The following EP300 variants were observed in gnomAD, a reference collection of about 807,000 sequenced individuals.
EP300 encodes the protein histone acetyltransferase p300.
EP300 carries 31 observed loss-of-function variants against 264.0 expected under a neutral mutation model. The observed-to-expected ratio is 0.12, with a 90% CI of 0.09 to 0.16. The LOEUF is 0.16. EP300 is among the 10% of genes least tolerant of loss of function. The pLI is 1.00. For missense variants in EP300, 2,766 were observed against 3,052.9 expected (o/e 0.91, Z 2.21); for synonymous variants, 1,340 against 1,045.4 (o/e 1.28, Z -5.44).
intron 5 of EP300, among the ~76,000 whole-genome samples, chr22:41,130,994 G>A (rs997434826): frequency 2.0e-5 from 3 of 152,106 alleles, no homozygotes; most frequent in East Asian, 1.9e-4. Context: ...CACCAGAGAC[G>A]GGAGGAGAGA....
chr22:41,149,308 C>A, intron 13 of EP300, 133 bp downstream of exon 13: 2 of 1,028,242 alleles, frequency 1.9e-6, no homozygotes, highest in Non-Finnish European at 3.0e-6. Context: ...CAATTTTGGA[C>A]TTAGGGTATT....
At chr22:41,112,241 G>A (rs528219552) in intron 1 of EP300, among the ~76,000 whole-genome samples, 1 of 151,356 alleles carries the variant, frequency 6.6e-6, no homozygotes, top group Admixed American at 6.6e-5. Flanking sequence ...CCAGCCTGGA[G>A]TGCAGTGGCA....
intron 5 of EP300, among the ~76,000 whole-genome samples, chr22:41,130,207 T>C (rs2145714074): frequency 6.6e-6 from 1 of 150,870 alleles, no homozygotes; most frequent in African/African-American, 2.4e-5. Flanking sequence ...GCTATGGTCA[T>C]GTTACTGCGC....
intron 15 of EP300, 90 bp downstream of exon 15, chr22:41,152,102 A>G (rs2059049499): frequency 6.3e-7 from 1 of 1,588,178 alleles, no homozygotes; most frequent in East Asian, 2.2e-5. Flanking sequence ...ATATTTTGAT[A>G]ATTAGATCTC....
chr22:41,122,493 C>T (rs1457287107), intron 2 of EP300, among the ~76,000 whole-genome samples: 1 of 152,120 alleles, frequency 6.6e-6, no homozygotes, highest in African/African-American at 2.4e-5. Flanking sequence ...GAATGCTTCT[C>T]ATTTCAGGCC....
chr22:41,114,351 T>G (rs1057227807), intron 1 of EP300, among the ~76,000 whole-genome samples: 3 of 152,120 alleles, frequency 2.0e-5, no homozygotes, highest in African/African-American at 7.2e-5. Context: ...CTGGCTAAGT[T>G]TTGTATTTTT....
Position 41,154,980 on chromosome 22 carries a change from CTTTTTT to C in EP300, c.3143-9_3143-4del, listed in dbSNP as rs757931697. 2 of 1,194,432 alleles carry C rather than the reference CTTTTTT, an allele frequency of 1.7e-6. No individual in the cohort carries two copies. Among genetic ancestry groups the C allele is most frequent in the Non-Finnish European group, 2.3e-6 (2 of 852,372 alleles). The allele number at this position is 1,194,432 out of a possible 1,614,324, so 74.0% of individuals were successfully genotyped here. On this transcript the variant is annotated splice_polypyrimidine_tract_variant and intron_variant, in intron 16 of 30. Transcript: ENST00000263253. ...TAATTGGTAACTAATTTCAAATGCACTTTTTTTTTTTAAGTTTTCAAACCAGAAGAA... is the reference window on the plus strand; with the variant it reads ...TAATTGGTAACTAATTTCAAATGCACTTTTTAAGTTTTCAAACCAGAAGAA...
chr22:41,162,205 T>A lies in EP300; in HGVS notation c.3672-518T>A, dbSNP rs1199300895. ...GGAAAATGCTATTAACAGAGATGAA[T>A]GAATCTCTAGGCCATAACTAGTATA... On this transcript the variant is annotated intron_variant, in intron 20 of 30. Coordinates refer to ENST00000263253, the MANE Select transcript of EP300 (RefSeq NM_001429.4). Among the ~76,000 whole-genome samples the A allele has an allele frequency of 2.6e-5, 4 of 152,330 alleles. No individual in the cohort carries two copies. In the East Asian group the frequency reaches 7.7e-4, roughly 29 times the overall value.
chr22:41,154,847 T>A (rs1293971924), intron 16 of EP300, 148 bp from the exon 17 acceptor site: 3 of 660,474 alleles, frequency 4.5e-6, no homozygotes, highest in Non-Finnish European at 8.1e-6. Flanking sequence ...GAATCAGTGA[T>A]TGAGCCTGTA....
intron 8 of EP300, among the ~76,000 whole-genome samples, chr22:41,139,601 T>C (rs537753361): frequency 6.6e-6 from 1 of 152,338 alleles, no homozygotes; most frequent in African/African-American, 2.4e-5. Flanking sequence ...GAGATACTAG[T>C]GCAAAACATT....
intron 2 of EP300, among the ~76,000 whole-genome samples, chr22:41,125,471 C>G (rs545140287): frequency 3.2e-4 from 49 of 151,574 alleles, no homozygotes; most frequent in Non-Finnish European, 6.6e-4. Flanking sequence ...TCACCATGTT[C>G]CCCAGGCTGT....
At chr22:41,122,291 G>A (rs544474739) in intron 2 of EP300, among the ~76,000 whole-genome samples, 1 of 150,704 alleles carries the variant, frequency 6.6e-6, no homozygotes, top group African/African-American at 2.4e-5. Flanking sequence ...TCAGTCTCCC[G>A]AGTAGGTGGG....
chr22:41,165,454 G>C (rs916528392), intron 22 of EP300, among the ~76,000 whole-genome samples: 1 of 151,750 alleles, frequency 6.6e-6, no homozygotes, highest in Non-Finnish European at 1.5e-5. Context: ...ACAGAGTTTC[G>C]CTCTTGTTGC....
chr22:41,175,357 AGGGG>A (rs2059194308), intron 29 of EP300, among the ~76,000 whole-genome samples: 1 of 152,220 alleles, frequency 6.6e-6, no homozygotes, highest in African/African-American at 2.4e-5. Flanking sequence ...TAATTTCTTA[AGGGG>A]ATGTTTTACA....
At position 41,168,698 on chromosome 22, in the gene EP300, C is replaced by T. The variant is rs758920568; in HGVS notation, c.4026-23C>T. 5 of 1,614,144 alleles carry T rather than the reference C, an allele frequency of 3.1e-6. No individual in the cohort carries two copies. The East Asian group carries it at 6.7e-5, about 22-fold the overall frequency. On this transcript the variant is annotated intron_variant, in intron 24 of 30. Transcript: ENST00000263253. Reference sequence around the variant, plus strand: ...AGTCTGAATGAGTTATGTTGTGGTTCCCCCACCATCTCAATTGTATAGGTT... The same window carrying T: ...AGTCTGAATGAGTTATGTTGTGGTTTCCCCACCATCTCAATTGTATAGGTT...
chr22:41,129,151 C>G (rs1217508675), intron 4 of EP300, among the ~76,000 whole-genome samples: 1 of 143,892 alleles, frequency 6.9e-6, no homozygotes, highest in African/African-American at 2.6e-5. Context: ...GATGGGACTA[C>G]AGGCGCCCGC....
chr22:41,167,604 A>ATGTG (rs2059144799), intron 23 of EP300, among the ~76,000 whole-genome samples: 3 of 29,148 alleles, frequency 1.0e-4, no homozygotes, highest in Non-Finnish European at 3.0e-4. Context: ...ATATATATAT[A>ATGTG]TATATATATA....
chr22:41,114,582 A>G lies in EP300; in HGVS notation c.95-2605A>G, dbSNP rs1194776655. Among the ~76,000 whole-genome samples, 7 of 152,296 alleles carry G rather than the reference A, an allele frequency of 4.6e-5. No individual in the cohort carries two copies. The East Asian group carries it at 5.8e-4, about 13-fold the overall frequency. The stretch of plus-strand genomic sequence containing the variant: ...TTATGCCCTGAGATCTTGGGATACA[A>G]TTTGACTTAGTTCATATATGACCAC... On this transcript the variant is annotated intron_variant, in intron 1 of 30. Coordinates refer to ENST00000263253, the MANE Select transcript of EP300 (RefSeq NM_001429.4).
intron 1 of EP300, among the ~76,000 whole-genome samples, chr22:41,094,835 C>A (rs1053787690): frequency 2.6e-5 from 4 of 152,058 alleles, no homozygotes; most frequent in Non-Finnish European, 5.9e-5. Flanking sequence ...TTTGAGTAGT[C>A]CTGATTTGAG....
Sources: gnomAD v4.1 joint callset for allele counts (sites outside exome capture counted in the v4.1 genomes callset) on GRCh38, gnomAD v4.1.1 for gene constraint, MANE v1.5 for transcripts, NCBI Gene and HGNC (gene_info 2026-07-23, HGNC 2026-07-21) for gene names.